PRELID2: variants seen among roughly 807,000 people sequenced by gnomAD.
The protein encoded by PRELID2 is PRELI domain containing 2, also known as PRELI domain-containing protein 2.
Under a neutral mutation model 28.4 loss-of-function variants are expected in PRELID2, and 25 were observed. The ratio of observed to expected loss-of-function variants is 0.88; its 90% CI spans 0.64 to 1.23. The LOEUF (loss-of-function observed/expected upper bound fraction) is 1.23, where lower values mean the gene tolerates loss of function less well. PRELID2 is among the 50% of genes most tolerant of loss of function. The probability of loss-of-function intolerance (pLI) is 0.00; values close to 1 mark genes in which losing one functional copy is unlikely to be tolerated. For synonymous variants in PRELID2, 76 were observed against 71.6 expected, an observed-to-expected ratio of 1.06 and a Z score of -0.31; for missense variants, 201 against 214.4, an observed-to-expected ratio of 0.94 and a Z score of 0.39.
chr5:145,706,279 A>T (rs1394863990), intron 1 of PRELID2, among the ~76,000 whole-genome samples: 1 of 152,240 alleles, frequency 6.6e-6, no homozygotes, highest in Non-Finnish European at 1.5e-5. Flanking sequence ...GGCACAAAGC[A>T]GGAATACTGT....
chr5:145,262,934 C>A, the PRELID2 span, among the ~76,000 whole-genome samples: 1 of 152,130 alleles, frequency 6.6e-6, no homozygotes, highest in African/African-American at 2.4e-5. Flanking sequence ...TATCTGGTGT[C>A]TTCAAGAGAC....
At chr5:145,737,349 T>C (rs1041936816) in intron 1 of PRELID2, among the ~76,000 whole-genome samples, 4 of 151,714 alleles carry the variant, frequency 2.6e-5, no homozygotes, top group Non-Finnish European at 4.4e-5. Flanking sequence ...GGAACTTAAA[T>C]AGAGGAATGC....
intron 1 of PRELID2, among the ~76,000 whole-genome samples, chr5:145,482,089 G>A (rs762585041): frequency 3.9e-5 from 6 of 152,080 alleles, no homozygotes; most frequent in Non-Finnish European, 1.5e-5. Context: ...TTCATTCCGT[G>A]GCCCTGTCAT....
At chr5:145,641,355 C>G (rs1006270990) in intron 1 of PRELID2, among the ~76,000 whole-genome samples, 1 of 152,020 alleles carries the variant, frequency 6.6e-6, no homozygotes, top group Non-Finnish European at 1.5e-5. Flanking sequence ...GAGAGAAAAT[C>G]TAAATGGCCA....
the PRELID2 span, chr5:145,229,204 T>C: frequency 1.2e-6 from 1 of 827,996 alleles, no homozygotes; most frequent in South Asian, 1.3e-5. Flanking sequence ...TTTGAGCTCA[T>C]CTGCTACTCG....
chr5:145,335,408 T>G, the PRELID2 span, among the ~76,000 whole-genome samples: 1,268 of 152,192 alleles, frequency 8.3e-3, 9 homozygotes, highest in South Asian at 0.04. Context: ...CTCTTGCAGC[T>G]GACTGTTTAC....
chr5:145,559,609 C>T (rs1224949994), intron 1 of PRELID2, among the ~76,000 whole-genome samples: 1 of 152,084 alleles, frequency 6.6e-6, no homozygotes. Context: ...TCCTCTATTG[C>T]CCCCTCCTCC....
At chr5:145,816,449 C>A (rs976208195) in intron 4 of PRELID2, among the ~76,000 whole-genome samples, 57 of 152,256 alleles carry the variant, frequency 3.7e-4, no homozygotes, top group African/African-American at 1.3e-3. Flanking sequence ...TCAATTTTAT[C>A]TATTTTTAAT....
intron 1 of PRELID2, among the ~76,000 whole-genome samples, chr5:145,741,542 T>G (rs1581124975): frequency 1.6e-5 from 2 of 122,530 alleles, no homozygotes; most frequent in African/African-American, 6.6e-5. Context: ...AAAATTTATT[T>G]ATAAATAATT....
chr5:145,667,604 C>A (rs1307715199), intron 1 of PRELID2, among the ~76,000 whole-genome samples: 2 of 152,026 alleles, frequency 1.3e-5, no homozygotes, highest in Non-Finnish European at 2.9e-5. Context: ...TTTGACCATG[C>A]AGTATGCTGC....
In PRELID2 at chr5:145,796,528, CT is replaced by C. The variant is rs770383817; in HGVS notation, c.387del (p.Gly130AlafsTer15). The stretch of plus-strand genomic sequence containing the variant: ...CCAACCCCTGTGATTGAAATCCTGC[CT>C]CTTTGAATGAACTCTGTCCTGCAAA... Reference protein sequence around the residue: ...ENPNWTEFIQRGRISITGVGF... With the variant: ...ENPNWTEFIQXGRISITGVGF... On this transcript the variant is annotated frameshift_variant, in exon 5 of 7. Coordinates refer to ENST00000683046, the MANE Select transcript of PRELID2 (RefSeq NM_205846.3). LOFTEE classifies it high-confidence loss of function. 1.9e-6 allele frequency: 3 copies of C among 1,606,436 alleles called. No individual in the cohort carries two copies. The highest frequency in any genetic ancestry group is 2.6e-6 in the Non-Finnish European group (3 of 1,175,956).
intron 1 of PRELID2, among the ~76,000 whole-genome samples, chr5:145,833,822 C>T (rs531517619): frequency 6.6e-6 from 1 of 152,336 alleles, no homozygotes; most frequent in South Asian, 2.1e-4. Context: ...AGGCAAATTG[C>T]AACTGTTGCA....
intron 1 of PRELID2, among the ~76,000 whole-genome samples, chr5:145,510,450 G>C (rs1752451451): frequency 6.6e-6 from 1 of 152,154 alleles, no homozygotes; most frequent in African/African-American, 2.4e-5. Context: ...CCTGCAGTAA[G>C]AGGCCTCAGA....
At chr5:145,566,381 A>C (rs1047304311) in intron 1 of PRELID2, among the ~76,000 whole-genome samples, 1 of 152,224 alleles carries the variant, frequency 6.6e-6, no homozygotes, top group African/African-American at 2.4e-5. Context: ...CTGAAACACA[A>C]AGGGAATGTC....
At chr5:145,419,735 T>A in the PRELID2 span, among the ~76,000 whole-genome samples, 1 of 150,764 alleles carries the variant, frequency 6.6e-6, no homozygotes, top group South Asian at 2.1e-4. Context: ...TTTAGTTTAA[T>A]TAGATCCCAT....
At chr5:145,302,988 C>T in the PRELID2 span, among the ~76,000 whole-genome samples, 1 of 152,118 alleles carries the variant, frequency 6.6e-6, no homozygotes, top group African/African-American at 2.4e-5. Context: ...ATCTTTTAAG[C>T]TTTATAATCA....
At chr5:145,623,598 TAGAC>T (rs1459330260) in intron 1 of PRELID2, among the ~76,000 whole-genome samples, 2 of 152,108 alleles carry the variant, frequency 1.3e-5, no homozygotes, top group African/African-American at 2.4e-5. Flanking sequence ...AAACTTGAGA[TAGAC>T]AGACAGATAG....
the PRELID2 span, among the ~76,000 whole-genome samples, chr5:145,348,555 TA>T: frequency 6.6e-6 from 1 of 152,178 alleles, no homozygotes; most frequent in East Asian, 1.9e-4. Context: ...AATAAATTCT[TA>T]ATAGTACAAA....
chr5:145,515,173 G>T (rs905805403), intron 1 of PRELID2, among the ~76,000 whole-genome samples: 1 of 151,994 alleles, frequency 6.6e-6, no homozygotes, highest in Non-Finnish European at 1.5e-5. Flanking sequence ...AACTGAAGGA[G>T]ATAGAGACAC....
Sources: gnomAD v4.1 joint callset for allele counts (sites outside exome capture counted in the v4.1 genomes callset) on GRCh38, gnomAD v4.1.1 for gene constraint, MANE v1.5 for transcripts, NCBI Gene and HGNC (gene_info 2026-07-23, HGNC 2026-07-21) for gene names.